Variants in KIF26B observed in about 807,000 individuals in gnomAD.
KIF26B encodes kinesin-like protein KIF26B.
KIF26B carries 63 observed loss-of-function variants against 151.2 expected under a neutral mutation model. The ratio of observed to expected loss-of-function variants is 0.42; its 90% CI spans 0.34 to 0.51. KIF26B has a LOEUF of 0.51. Among genes scored for constraint, KIF26B ranks in the 20% least tolerant of loss-of-function variants. The pLI is 0.07. For missense variants in KIF26B, 2,813 were observed against 2,913.6 expected (o/e 0.97, Z 0.79); for synonymous variants, 1,357 against 1,262.1 (o/e 1.08, Z -1.59).
At chr1:245,309,954 A>G (rs1230157908) in intron 2 of KIF26B, among the ~76,000 whole-genome samples, 7 of 145,698 alleles carry the variant, frequency 4.8e-5, no homozygotes, top group Non-Finnish European at 7.5e-5. Flanking sequence ...CTATATGTAT[A>G]TATATCCTAT....
chr1:245,549,929 T>C (rs1472951275), intron 5 of KIF26B, among the ~76,000 whole-genome samples: 4 of 152,164 alleles, frequency 2.6e-5, no homozygotes, highest in Admixed American at 6.5e-5. Flanking sequence ...TACAGGCATA[T>C]GCCACCACGC....
chr1:245,158,486 GTA>G (rs201940260), intron 2 of KIF26B, among the ~76,000 whole-genome samples: 134,494 of 152,122 alleles, frequency 0.88, 59,671 homozygotes, highest in East Asian at 1. Context: ...ACTCTTGTTG[GTA>G]AACTGATTGT....
Position 245,688,776 on chromosome 1 carries a change from C to A in KIF26B, c.5793C>A (p.Ser1931Arg). 1 of 1,593,672 alleles carries A rather than the reference C, an allele frequency of 6.3e-7. No homozygotes were observed. The highest frequency in any genetic ancestry group is 1.1e-5 in the South Asian group (1 of 89,356). Residue 1931 changes from serine to arginine, a missense_variant, in exon 12 of 15, where the codon AGC (serine) becomes AGA (arginine). This residue lies in a region of KIF26B where 2,060 missense variants were observed against 2,088.6 expected (regional missense o/e 0.99). Transcript: ENST00000407071. ...NSSSVGGRCR[S>R]LKTPKKRSNP... ...GCTCCGTGGGCGGCAGGTGCCGGAGCCTCAAGACCCCGAAGAAACGCTCCA... is the reference window on the plus strand; with the variant it reads ...GCTCCGTGGGCGGCAGGTGCCGGAGACTCAAGACCCCGAAGAAACGCTCCA...
In KIF26B at chr1:245,358,606, T is replaced by C. The variant is rs1333158204; in HGVS notation, c.466-8228T>C. ...AGTCAATTAAAAGAAAAAGAAACAT[T>C]AAGCAATTTTATAATTAGATAATTA... On this transcript the variant is annotated intron_variant, in intron 2 of 14. Coordinates refer to ENST00000407071, the MANE Select transcript of KIF26B (RefSeq NM_018012.4). This position sits in a 1 kb window ranked among gnomAD's most constrained non-coding sequence, Gnocchi z 4.1. Among the ~76,000 whole-genome samples, 3 of 152,220 alleles carry C rather than the reference T, an allele frequency of 2.0e-5. No homozygotes were observed. The highest frequency in any genetic ancestry group is 4.4e-5 in the Non-Finnish European group (3 of 68,038).
chr1:245,199,089 A>C (rs1669251989), intron 2 of KIF26B, among the ~76,000 whole-genome samples: 1 of 146,654 alleles, frequency 6.8e-6, no homozygotes, highest in Non-Finnish European at 1.5e-5. Context: ...CCAGAAAGAT[A>C]ATTGCTTTGT....
intron 2 of KIF26B, among the ~76,000 whole-genome samples, chr1:245,184,050 G>GTTTTTTGT (rs1553332272): frequency 1.0e-4 from 2 of 19,804 alleles, no homozygotes; most frequent in Admixed American, 1.0e-3. Flanking sequence ...GGGAGTTGTT[G>GTTTTTTGT]TTTTTTTTTT....
intron 2 of KIF26B, among the ~76,000 whole-genome samples, chr1:245,361,794 CTT>C (rs1274821276): frequency 1.3e-5 from 2 of 152,200 alleles, no homozygotes; most frequent in Admixed American, 6.5e-5. Flanking sequence ...TCACTCCCCT[CTT>C]CTTTTCCCGT....
At chr1:245,502,576 T>C (rs536237581) in intron 4 of KIF26B, among the ~76,000 whole-genome samples, 1 of 151,162 alleles carries the variant, frequency 6.6e-6, no homozygotes, top group African/African-American at 2.4e-5. Context: ...ACACTTGTCT[T>C]GGCAAACCAT....
At position 245,684,363 on chromosome 1, in the gene KIF26B, A is replaced by G; in HGVS notation, c.2389A>G (p.Arg797Gly). ...ETLSTIQIAS[R>G]VLRMKKKKTK... ...CCTGTCCACCATCCAGATTGCATCG[A>G]GAGTCTTGAGGATGAAGAAAAAGAA... Residue 797 changes from arginine (R) to glycine (G), a missense_variant, in exon 11 of 15, where the codon AGA (arginine) becomes GGA (glycine). Physicochemically the swap from Arg to Gly is moderately radical, Grantham distance 125 (BLOSUM62 -2). This residue lies in a region of KIF26B where 2,060 missense variants were observed against 2,088.6 expected (regional missense o/e 0.99). Coordinates refer to ENST00000407071, the MANE Select transcript of KIF26B (RefSeq NM_018012.4). 1 of 1,613,360 alleles carries G rather than the reference A, an allele frequency of 6.2e-7. No individual in the cohort carries two copies. Among genetic ancestry groups the G allele is most frequent in the Non-Finnish European group, 8.5e-7 (1 of 1,179,568 alleles).
rs770177711 is a variant in KIF26B at position 245,687,745 on chromosome 1, G to A, written c.4762G>A (p.Val1588Ile). 3.8e-6 allele frequency: 6 copies of A among 1,578,236 alleles called. No homozygotes were observed. The Admixed American group carries it at 5.3e-5, about 14-fold the overall frequency. Residue 1588 changes from valine to isoleucine, a missense_variant, in exon 12 of 15, where the codon GTT becomes ATT. Val to Ile is a conservative substitution (Grantham distance 29). Around this residue, in one of 3 missense-constraint regions of KIF26B, gnomAD observed 2,060 missense variants for 2,088.6 expected, o/e 0.99. Transcript: ENST00000407071. This position sits in a 1 kb window ranked among gnomAD's most constrained non-coding sequence, Gnocchi z 4.9. ...EGKVASPKHC[V>I]LARPKGTPPL... ...GAAGGTGGCTTCCCCCAAGCACTGT[G>A]TTCTGGCTCGGCCCAAAGGGACTCC...
At chr1:245,397,627 A>G (rs1367891983) in intron 3 of KIF26B, among the ~76,000 whole-genome samples, 1 of 152,230 alleles carries the variant, frequency 6.6e-6, no homozygotes, top group Non-Finnish European at 1.5e-5. Context: ...AGTGAAGGAA[A>G]GTCAGTGGCA....
intron 2 of KIF26B, among the ~76,000 whole-genome samples, chr1:245,309,872 A>G (rs1671632942): frequency 6.8e-6 from 1 of 146,236 alleles, no homozygotes; most frequent in South Asian, 2.1e-4. Context: ...TATATATAAT[A>G]AATCAATAAA....
chr1:245,419,468 A>G, intron 3 of KIF26B, 111 bp from the exon 4 acceptor site: 1 of 962,428 alleles, frequency 1.0e-6, no homozygotes, highest in South Asian at 1.8e-5. Context: ...TGCAGGTGGG[A>G]TAGAAACCTG....
chr1:245,590,955 G>C (rs1254143829), intron 5 of KIF26B, among the ~76,000 whole-genome samples: 2 of 151,744 alleles, frequency 1.3e-5, no homozygotes, highest in African/African-American at 2.4e-5. Context: ...GGCAAGTGTG[G>C]TGTCTGTCTC....
Position 245,543,976 on chromosome 1 carries a change from G to A in KIF26B, c.1350+3026G>A, listed in dbSNP as rs541916083. Among the ~76,000 whole-genome samples, 5 of 151,912 alleles carry A rather than the reference G, an allele frequency of 3.3e-5. No homozygotes were observed. In the South Asian group the frequency reaches 8.4e-4, roughly 25 times the overall value. On this transcript the variant is annotated intron_variant, in intron 5 of 14. Transcript: ENST00000407071. ...AAAAAAGAAAAAGAAAAAGAAAAAC[G>A]AGAAGTTGCCAAGACCCTGCCTCTT... is the stretch of plus-strand genomic sequence containing the variant.
At chr1:245,347,430 CCTT>C (rs1413704583) in intron 2 of KIF26B, among the ~76,000 whole-genome samples, 1 of 152,050 alleles carries the variant, frequency 6.6e-6, no homozygotes, top group East Asian at 1.9e-4. Flanking sequence ...AAGTCATCCT[CCTT>C]CATCAGCCTC....
At chr1:245,317,378 A>C (rs1245286414) in intron 2 of KIF26B, among the ~76,000 whole-genome samples, 1 of 152,164 alleles carries the variant, frequency 6.6e-6, no homozygotes, top group East Asian at 1.9e-4. Context: ...GCTATCCCCC[A>C]GGGTTGATTG....
In KIF26B at chr1:245,688,099, G is replaced by C. The variant is rs1454001800; in HGVS notation, c.5116G>C (p.Ala1706Pro). 1.3e-6 allele frequency: 2 copies of C among 1,554,108 alleles called. No individual in the cohort carries two copies. Among genetic ancestry groups the C allele is most frequent in the East Asian group, 2.4e-5 (1 of 41,530 alleles). ...GGGCAAGGACGGCACCATGCCCCGC[G>C]CGGGGAGGAGCCTGGGCCGCAGCGC... ...HAGKDGTMPR[A>P]GRSLGRSAGT... Residue 1706 changes from alanine (A) to proline (P), a missense_variant, in exon 12 of 15, where the codon GCG (alanine) becomes CCG (proline). By Grantham distance (27) the Ala-to-Pro change is conservative. Around this residue, in one of 3 missense-constraint regions of KIF26B, gnomAD observed 2,060 missense variants for 2,088.6 expected, o/e 0.99. Coordinates refer to ENST00000407071, the MANE Select transcript of KIF26B (RefSeq NM_018012.4).
At chr1:245,531,009 T>A (rs1661346247) in intron 4 of KIF26B, among the ~76,000 whole-genome samples, 1 of 152,184 alleles carries the variant, frequency 6.6e-6, no homozygotes, top group African/African-American at 2.4e-5. Flanking sequence ...CAGTAGAAGG[T>A]GGCCATAATA....
Sources: allele counts gnomAD v4.1 joint callset (sites outside exome capture counted in the v4.1 genomes callset), GRCh38; gene constraint gnomAD v4.1.1; regional missense constraint gnomAD v4.1.1; non-coding constraint Gnocchi (gnomAD v3.1); transcripts MANE v1.5; gene names NCBI Gene and HGNC (gene_info 2026-07-23, HGNC 2026-07-21).